The following TFDP2 variants were observed in gnomAD, a reference collection of about 807,000 sequenced individuals.
TFDP2 encodes transcription factor Dp-2.
Under a neutral mutation model 59.3 loss-of-function variants are expected in TFDP2, and 17 were observed. That is an observed-to-expected ratio of 0.29 (90% confidence interval 0.20 to 0.43). The LOEUF is 0.43. Among genes scored for constraint, TFDP2 ranks in the 20% least tolerant of loss-of-function variants. The pLI is 1.00. For synonymous variants in TFDP2, 180 were observed against 194.7 expected, an observed-to-expected ratio of 0.92 and a Z score of 0.63; for missense variants, 391 against 528.8, an observed-to-expected ratio of 0.74 and a Z score of 2.56.
intron 1 of TFDP2, among the ~76,000 whole-genome samples, chr3:142,142,952 C>A (rs1023125558): frequency 5.9e-5 from 9 of 152,188 alleles, no homozygotes; most frequent in African/African-American, 2.2e-4. Context: ...AAAATCAAAT[C>A]AGCCTGGGCA....
In TFDP2 at chr3:142,093,001, T is replaced by A. The variant is rs16852086; in HGVS notation, c.82+60A>T. On this transcript the variant is annotated intron_variant, in intron 3 of 12. Transcript: ENST00000489671. ...AAGTAATTCATGTAGCTGCATATTT[T>A]ACAAAACAAATGCAATAAAACTAAC... The A allele has an allele frequency of 0.012, 13,747 of 1,181,166 alleles. 1,089 individuals are homozygous for A. In the African/African-American group the frequency reaches 0.18, roughly 15 times the overall value. The allele number at this position is 1,181,166 out of a possible 1,614,324, so 73.2% of individuals were successfully genotyped here.
At chr3:141,971,045 A>G (rs974430192) in intron 8 of TFDP2, among the ~76,000 whole-genome samples, 3 of 151,798 alleles carry the variant, frequency 2.0e-5, no homozygotes, top group African/African-American at 7.3e-5. Context: ...ACAACAAAGC[A>G]AGACCCTGTC....
chr3:142,007,696 C>A (rs963677961), intron 3 of TFDP2, among the ~76,000 whole-genome samples: 1 of 152,170 alleles, frequency 6.6e-6, no homozygotes, highest in Non-Finnish European at 1.5e-5. Flanking sequence ...AGAGTCCCAT[C>A]TGGGAGTGAT....
intron 1 of TFDP2, among the ~76,000 whole-genome samples, chr3:142,140,771 G>A (rs2062920727): frequency 1.3e-5 from 2 of 152,120 alleles, no homozygotes; most frequent in Admixed American, 1.3e-4. Context: ...TCCCAGGGGG[G>A]CACCCACCTG....
chr3:142,055,485 T>C (rs140307111), intron 3 of TFDP2, among the ~76,000 whole-genome samples: 9 of 152,318 alleles, frequency 5.9e-5, no homozygotes, highest in African/African-American at 4.8e-5. Context: ...ATAGCCCTTA[T>C]GAAAGTGCAT....
At chr3:142,076,119 G>C (rs186651340) in intron 3 of TFDP2, among the ~76,000 whole-genome samples, 1 of 147,732 alleles carries the variant, frequency 6.8e-6, no homozygotes, top group African/African-American at 2.5e-5. Flanking sequence ...GCTGAGGCAA[G>C]AGAATCACTT....
intron 1 of TFDP2, among the ~76,000 whole-genome samples, chr3:142,127,529 G>A (rs2062320063): frequency 6.6e-6 from 1 of 151,744 alleles, no homozygotes; most frequent in South Asian, 2.1e-4. Flanking sequence ...GTAGGGATGG[G>A]GTTTCACCAT....
At chr3:142,032,922 G>A (rs941873415) in intron 3 of TFDP2, among the ~76,000 whole-genome samples, 3 of 152,288 alleles carry the variant, frequency 2.0e-5, no homozygotes, top group Admixed American at 6.5e-5. Context: ...TCAGCCAGGC[G>A]CAGTGGCTTA....
intron 2 of TFDP2, 62 bp downstream of exon 2, chr3:142,101,673 T>C (rs911002084): frequency 2.8e-6 from 3 of 1,085,954 alleles, no homozygotes; most frequent in Non-Finnish European, 3.8e-6. Context: ...TGAGAAAATA[T>C]GTAGGAAAAA....
At chr3:142,064,277 T>A (rs2060006122) in intron 3 of TFDP2, among the ~76,000 whole-genome samples, 1 of 152,156 alleles carries the variant, frequency 6.6e-6, no homozygotes, top group Admixed American at 6.5e-5. Context: ...CTAGTAAACA[T>A]CAGCTTCTCC....
At chr3:142,020,104 G>T (rs969724644) in intron 3 of TFDP2, among the ~76,000 whole-genome samples, 2 of 152,166 alleles carry the variant, frequency 1.3e-5, no homozygotes, top group Non-Finnish European at 2.9e-5. Context: ...TTTGCAAAGA[G>T]AAATGATTTC....
Position 141,950,451 on chromosome 3 carries a change from A to G in TFDP2, c.*2062T>C, listed in dbSNP as rs1285358207. 6.6e-6 allele frequency: 1 copy of G among 152,594 alleles called. No homozygotes were observed. The highest frequency in any genetic ancestry group is 1.5e-5 in the Non-Finnish European group (1 of 68,040). 9.5% of individuals were successfully genotyped at this position (152,594 alleles called of 1,614,324 possible). On this transcript the variant is annotated 3_prime_UTR_variant, in exon 13 of 13. Transcript: ENST00000489671. ...TTTTGAGCCCATATTTTATCAATTT[A>G]AAGCATGAGAGCAGCAGAGATGGAG... is the stretch of plus-strand genomic sequence containing the variant.
intron 3 of TFDP2, among the ~76,000 whole-genome samples, chr3:142,048,489 TGTCA>T (rs1205342034): frequency 6.6e-6 from 1 of 152,104 alleles, no homozygotes; most frequent in Middle Eastern, 3.2e-3. Flanking sequence ...CTCCTAGTTT[TGTCA>T]GTAATATTTC....
At chr3:142,102,216 G>A (rs1045490271) in intron 1 of TFDP2, among the ~76,000 whole-genome samples, 1 of 152,306 alleles carries the variant, frequency 6.6e-6, no homozygotes, top group African/African-American at 2.4e-5. Context: ...CTCAAAAAAT[G>A]ATGGAGACAT....
chr3:142,054,494 A>C (rs1455419441), intron 3 of TFDP2, among the ~76,000 whole-genome samples: 2 of 152,196 alleles, frequency 1.3e-5, no homozygotes, highest in Non-Finnish European at 2.9e-5. Context: ...TTTGTTATTT[A>C]TGTATCAGTT....
chr3:142,072,468 G>T (rs901662000), intron 3 of TFDP2, among the ~76,000 whole-genome samples: 2 of 152,116 alleles, frequency 1.3e-5, no homozygotes, highest in African/African-American at 2.4e-5. Flanking sequence ...AAAAAGAAAG[G>T]CACCACTCCA....
At chr3:142,111,199 C>T (rs1442907763) in intron 1 of TFDP2, among the ~76,000 whole-genome samples, 1 of 152,038 alleles carries the variant, frequency 6.6e-6, no homozygotes, top group Non-Finnish European at 1.5e-5. Context: ...GAGGCCGAGG[C>T]AGGTGGATTA....
intron 1 of TFDP2, among the ~76,000 whole-genome samples, chr3:142,107,517 C>A (rs955106680): frequency 6.6e-6 from 1 of 152,098 alleles, no homozygotes; most frequent in Non-Finnish European, 1.5e-5. Context: ...CAGGTGTGAG[C>A]CACCGCACCC....
rs767267560 is a variant in TFDP2, at chr3:141,978,607, T to C, written c.432A>G (p.Gln144=). 1.2e-5 allele frequency: 19 copies of C among 1,613,770 alleles called. No homozygotes were observed. The Admixed American group carries it at 1.7e-4, about 14-fold the overall frequency. Residue 144 remains glutamine, a synonymous_variant, in exon 7 of 13, where the codon CAA becomes CAG. Coordinates refer to ENST00000489671, the MANE Select transcript of TFDP2 (RefSeq NM_001178139.2). ...CATTGTACGATGTTGTACCTTTTCG[T>C]TGAACTTTCTCACACACTTTCATTG... The part of the protein sequence containing the change: ...HFSMKVCEKV[Q]RKGTTSYNEV...
Sources: gnomAD v4.1 joint callset for allele counts (sites outside exome capture counted in the v4.1 genomes callset) on GRCh38, gnomAD v4.1.1 for gene constraint, MANE v1.5 for transcripts, NCBI Gene and HGNC (gene_info 2026-07-23, HGNC 2026-07-21) for gene names.